Variants in PXMP2 observed in about 807,000 individuals in gnomAD.
The protein encoded by PXMP2 is 22 kDa peroxisomal membrane protein.
PXMP2 carries 13 observed loss-of-function variants against 20.2 expected under a neutral mutation model. The observed-to-expected ratio is 0.64, with a 90% CI of 0.42 to 1.02. PXMP2 has a LOEUF of 1.02. Ranked by LOEUF, PXMP2 falls within the 50% of genes least tolerant of loss-of-function variation. The probability of loss-of-function intolerance (pLI) is 0.00; values close to 1 mark genes in which losing one functional copy is unlikely to be tolerated. For synonymous variants in PXMP2, 113 were observed against 111.2 expected, an observed-to-expected ratio of 1.02 and a Z score of -0.10; for missense variants, 284 against 251.8, an observed-to-expected ratio of 1.13 and a Z score of -0.87.
chr12:132,700,571 A>G (rs952045586), intron 3 of PXMP2, among the ~76,000 whole-genome samples: 10 of 152,168 alleles, frequency 6.6e-5, no homozygotes, highest in African/African-American at 2.4e-4. Flanking sequence ...CAGATTCTGG[A>G]TAACAGTCCT....
chr12:132,695,663 C>T (rs372418130), intron 2 of PXMP2, among the ~76,000 whole-genome samples: 5 of 152,270 alleles, frequency 3.3e-5, no homozygotes, highest in African/African-American at 9.6e-5. Flanking sequence ...TAGGCGGGGA[C>T]GCGCTGGGAG....
At position 132,704,806 on chromosome 12, in the gene PXMP2, T is replaced by C; in HGVS notation, c.*119T>C. ...TGACTCTAAATCAGGTGATTCAAGA[T>C]GCCCAAAAATGATGGATAGAGAAAC... is the stretch of plus-strand genomic sequence containing the variant. On this transcript the variant is annotated 3_prime_UTR_variant, in exon 5 of 5. Transcript: ENST00000317479. 1.0e-6 allele frequency: 1 copy of C among 953,620 alleles called. No individual in the cohort carries two copies. The highest frequency in any genetic ancestry group is 1.7e-6 in the Non-Finnish European group (1 of 596,764). 59.1% of individuals were successfully genotyped at this position (953,620 alleles called of 1,614,324 possible). A position where few individuals can be genotyped will look rare whatever the true frequency, so the allele number is the denominator to read the frequency against.
Position 132,689,617 on chromosome 12 carries a change from C to T in PXMP2, c.123-646C>T, listed in dbSNP as rs117320295. ...GCTAGGAATTTTGGATTTTATAGTC[C>T]AGAGAGCTTCTCAGAAGGCAAATAC... On this transcript the variant is annotated intron_variant, in intron 1 of 4. Transcript: ENST00000317479. 1.4e-4 allele frequency among the ~76,000 whole-genome samples: 21 copies of T among 152,230 alleles called. 1 individual carries two copies. In the East Asian group the frequency reaches 4.0e-3, roughly 29 times the overall value.
chr12:132,695,392 C>G (rs549875723), intron 2 of PXMP2, among the ~76,000 whole-genome samples: 1 of 152,334 alleles, frequency 6.6e-6, no homozygotes, highest in South Asian at 2.1e-4. Flanking sequence ...AGCTCCACAA[C>G]CAGGGACATG....
Position 132,695,896 on chromosome 12 carries a change from A to G in PXMP2, c.249A>G (p.Thr83=). Residue 83 remains threonine, a synonymous_variant, in exon 3 of 5, where the codon ACA becomes ACG. Coordinates refer to ENST00000317479, the MANE Select transcript of PXMP2 (RefSeq NM_018663.3). ...CTGGGGGCCTCAGGTTCTTCTTCAC[A>G]GGGCCGCTGAGTCACTTCTTCTACT... The part of the protein sequence containing the change: ...LRYAVYGFFF[T]GPLSHFFYFF... 1 of 1,605,204 alleles carries G rather than the reference A, an allele frequency of 6.2e-7. No individual in the cohort carries two copies.
chr12:132,696,462 A>G lies in PXMP2; in HGVS notation c.399+416A>G, dbSNP rs997333344. ...ATATCTCGAAATATAATTTATGCTC[A>G]TTACTACTTGGACCTGCCATTAGAG... On this transcript the variant is annotated intron_variant, in intron 3 of 4. Transcript: ENST00000317479. The surrounding 1 kb of genome is among the most constrained non-coding windows in gnomAD (Gnocchi z 4.4). Among the ~76,000 whole-genome samples, 2 of 152,138 alleles carry G rather than the reference A, an allele frequency of 1.3e-5. No individual in the cohort carries two copies. The highest frequency in any genetic ancestry group is 1.3e-4 in the Admixed American group (2 of 15,274).
intron 2 of PXMP2, among the ~76,000 whole-genome samples, chr12:132,694,769 T>TGCCCTTGCCAGTTAGTTAGTGAGC (rs1437477306): frequency 4.4e-5 from 5 of 114,282 alleles, no homozygotes; most frequent in African/African-American, 9.9e-5. Flanking sequence ...AGTTAGTGAG[T>TGCCCTTGCCAGTTAGTTAGTGAGC]GCCCTTGCCA....
At chr12:132,689,214 T>C (rs1447914992) in intron 1 of PXMP2, among the ~76,000 whole-genome samples, 7 of 74,382 alleles carry the variant, frequency 9.4e-5, no homozygotes, top group East Asian at 4.1e-4. Flanking sequence ...GTCTGCGTGG[T>C]GCGGGTGAAG....
intron 4 of PXMP2, among the ~76,000 whole-genome samples, chr12:132,702,949 CACAG>C (rs1393360330): frequency 1.3e-5 from 2 of 152,176 alleles, no homozygotes; most frequent in South Asian, 2.1e-4. Flanking sequence ...CAGGGGTGCA[CACAG>C]ACAGGACAAA....
chr12:132,698,012 C>CTTTTT (rs1434779260), intron 3 of PXMP2, among the ~76,000 whole-genome samples: 1 of 140,262 alleles, frequency 7.1e-6, no homozygotes, highest in African/African-American at 2.6e-5. Flanking sequence ...GACGTGTCAC[C>CTTTTT]TTTTTTTTTT....
At chr12:132,688,657 G>A (rs1237710919) in intron 1 of PXMP2, among the ~76,000 whole-genome samples, 2 of 35,018 alleles carry the variant, frequency 5.7e-5, no homozygotes, top group Admixed American at 2.5e-4. Context: ...CAGGGGAGCG[G>A]GTCTGCGGGG....
chr12:132,700,290 G>A (rs1285154152), intron 3 of PXMP2, among the ~76,000 whole-genome samples: 2 of 151,504 alleles, frequency 1.3e-5, no homozygotes, highest in African/African-American at 2.4e-5. Context: ...CTCGTGATCC[G>A]CCCACCTCAG....
chr12:132,694,820 C>A (rs2043400682), intron 2 of PXMP2, among the ~76,000 whole-genome samples: 1 of 143,394 alleles, frequency 7.0e-6, no homozygotes, highest in Non-Finnish European at 1.5e-5. Context: ...TAGTGAGCGC[C>A]CTTAGCCAGT....
intron 3 of PXMP2, among the ~76,000 whole-genome samples, chr12:132,700,217 T>A (rs1056974558): frequency 6.9e-6 from 1 of 144,032 alleles, no homozygotes; most frequent in African/African-American, 2.6e-5. Flanking sequence ...AATTTTTGTA[T>A]TTTTTTTTTT....
Position 132,690,349 on chromosome 12 carries a change from G to C in PXMP2, c.209G>C (p.Gly70Ala), listed in dbSNP as rs1200606106. The change falls in exon 2 of 5, where the codon GGT (glycine) becomes GCT (alanine). Residue 70 changes from glycine to alanine, a missense_variant. Transcript: ENST00000317479. ...KKENSRSLDVGGPLRYAVYGF... is the reference protein window; with the variant it reads ...KKENSRSLDVAGPLRYAVYGF... ...GAAAACTCTAGAAGTCTGGATGTCGGTGGGCCTCTGAGATATGCCGTTTAC... is the reference window on the plus strand; with the variant it reads ...GAAAACTCTAGAAGTCTGGATGTCGCTGGGCCTCTGAGATATGCCGTTTAC... 1 of 1,614,018 alleles carries C rather than the reference G, an allele frequency of 6.2e-7. No individual in the cohort carries two copies. The highest frequency in any genetic ancestry group is 8.5e-7 in the Non-Finnish European group (1 of 1,179,896).
Position 132,704,842 on chromosome 12 carries a change from G to A in PXMP2, c.*155G>A. On this transcript the variant is annotated 3_prime_UTR_variant, in exon 5 of 5. Transcript: ENST00000317479. The stretch of plus-strand genomic sequence containing the variant: ...GATGGATAGAGAAACAGAAATCTCT[G>A]AATGTCAGAACCCTGTCTTTTAAAA... 1 of 758,056 alleles carries A rather than the reference G, an allele frequency of 1.3e-6. No homozygotes were observed. The allele number at this position is 758,056 out of a possible 1,614,324, so 47.0% of individuals were successfully genotyped here.
At chr12:132,689,422 G>A (rs1003875781) in intron 1 of PXMP2, among the ~76,000 whole-genome samples, 5 of 152,190 alleles carry the variant, frequency 3.3e-5, no homozygotes, top group Non-Finnish European at 7.3e-5. Context: ...AAAGGTCTCT[G>A]TTAGGTTTTG....
chr12:132,695,298 T>G (rs1394346965), intron 2 of PXMP2, among the ~76,000 whole-genome samples: 1 of 152,088 alleles, frequency 6.6e-6, no homozygotes, highest in African/African-American at 2.4e-5. Flanking sequence ...GTGAGTTCCC[T>G]TGCCAGTTTG....
At chr12:132,695,076 TGAGCTCCCTTAGCCAGTTAGTTAGA>T (rs2043403079) in intron 2 of PXMP2, among the ~76,000 whole-genome samples, 1 of 148,106 alleles carries the variant, frequency 6.8e-6, no homozygotes, top group African/African-American at 2.5e-5. Flanking sequence ...AGTTAGTTAG[TGAGCTCCCTTAGCCAGTTAGTTAGA>T]GAGCTCCCTT....
Sources: gnomAD v4.1 joint callset for allele counts (sites outside exome capture counted in the v4.1 genomes callset) on GRCh38, gnomAD v4.1.1 for gene constraint, Gnocchi (gnomAD v3.1) non-coding constraint, MANE v1.5 for transcripts, NCBI Gene and HGNC (gene_info 2026-07-23, HGNC 2026-07-21) for gene names.